The following PCDHA2 variants were observed in gnomAD, a reference collection of about 807,000 sequenced individuals.
PCDHA2 encodes protocadherin alpha 2.
A neutral mutation model predicts 66.0 loss-of-function variants in PCDHA2; 58 were observed. That is an observed-to-expected ratio of 0.88 (90% CI 0.71 to 1.09). PCDHA2 has a LOEUF of 1.09. Among genes scored for constraint, PCDHA2 ranks in the 50% least tolerant of loss-of-function variants. The pLI is 0.00. For missense variants in PCDHA2, 1,267 were observed against 1,242.3 expected, an observed-to-expected ratio of 1.02 and a Z score of -0.30; for synonymous variants, 634 against 554.0, an observed-to-expected ratio of 1.14 and a Z score of -2.03.
At chr5:140,814,209 A>G (rs1246288617) in intron 1 of PCDHA2, 4 of 149,518 alleles carry the variant, frequency 2.7e-5, no homozygotes, top group African/African-American at 1.0e-4. Context: ...TTTCACTTTT[A>G]CTTAGTGTTT....
chr5:140,915,634 CT>C (rs782528552), intron 1 of PCDHA2, among the ~76,000 whole-genome samples: 9 of 150,114 alleles, frequency 6.0e-5, no homozygotes, highest in Non-Finnish European at 1.3e-4. Context: ...CTGTCTCTCT[CT>C]CTCTCTCTCT....
intron 1 of PCDHA2, among the ~76,000 whole-genome samples, chr5:140,893,560 T>C (rs964266537): frequency 4.6e-5 from 7 of 152,232 alleles, no homozygotes; most frequent in Admixed American, 4.6e-4. Flanking sequence ...AGTTGTAGTG[T>C]ACTTCCTCAG....
chr5:140,926,054 T>C (rs1018660828), intron 1 of PCDHA2, among the ~76,000 whole-genome samples: 1 of 152,182 alleles, frequency 6.6e-6, no homozygotes, highest in Non-Finnish European at 1.5e-5. Flanking sequence ...CCCAACCTTC[T>C]TCCCCTCCTT....
At chr5:140,989,533 T>C (rs114286041) in intron 3 of PCDHA2, among the ~76,000 whole-genome samples, 1,576 of 152,276 alleles carry the variant, frequency 0.01, 12 homozygotes, top group Middle Eastern at 0.058. Flanking sequence ...AGGAGGAAGA[T>C]AGTTTGTAAT....
At chr5:140,836,762 C>T (rs2150269461) in intron 1 of PCDHA2, 3 of 1,567,656 alleles carry the variant, frequency 1.9e-6, no homozygotes, top group Non-Finnish European at 2.6e-6. Context: ...AATCTTGTTT[C>T]CAACAATTTT....
Position 140,841,228 on chromosome 5 carries a change from G to A in PCDHA2, c.2388+43876G>A. On this transcript the variant is annotated intron_variant, in intron 1 of 3. Coordinates refer to ENST00000526136, the MANE Select transcript of PCDHA2 (RefSeq NM_018905.3). ...TCTGTCTCTAAAGGCCGAACAACGG[G>A]AGATGCAGCGGAATTGGATTAAAAG... The A allele has an allele frequency of 7.6e-6, 11 of 1,455,732 alleles. 1 individual carries two copies. In the South Asian group the frequency reaches 1.2e-4, roughly 17 times the overall value. The allele number at this position is 1,455,732 out of a possible 1,614,324, so 90.2% of individuals were successfully genotyped here.
chr5:140,850,186 C>T lies in PCDHA2; in HGVS notation c.2388+52834C>T, dbSNP rs2150472009. On this transcript the variant is annotated intron_variant, in intron 1 of 3. Transcript: ENST00000526136. ...CTGGACGAGAACGACAATGCGCCGG[C>T]GCTGCTGACACCTCGGATGAGGGGC... 4.4e-6 allele frequency: 7 copies of T among 1,593,614 alleles called. No homozygotes were observed. In the African/African-American group the frequency reaches 5.4e-5, roughly 12 times the overall value.
chr5:140,985,675 T>C (rs1477813786), intron 3 of PCDHA2, among the ~76,000 whole-genome samples: 1 of 151,998 alleles, frequency 6.6e-6, no homozygotes, highest in Non-Finnish European at 1.5e-5. Context: ...AAGTGGGGCC[T>C]GCCTTACGCT....
chr5:140,856,947 A>T (rs1486886568), intron 1 of PCDHA2: 1 of 1,592,258 alleles, frequency 6.3e-7, no homozygotes. Flanking sequence ...AGGACGGGAG[A>T]AATAAAAGTA....
At chr5:140,967,226 C>G (rs782350843) in intron 1 of PCDHA2, 1 of 1,613,746 alleles carries the variant, frequency 6.2e-7, no homozygotes, top group Non-Finnish European at 8.5e-7. Flanking sequence ...GCCCAACTAC[C>G]AGCTTCAGGT....
intron 1 of PCDHA2, among the ~76,000 whole-genome samples, chr5:140,908,703 C>T (rs751488038): frequency 5.9e-5 from 9 of 152,318 alleles, no homozygotes; most frequent in Non-Finnish European, 1.3e-4. Flanking sequence ...ACCTCAAGCA[C>T]CATTGGATCT....
At chr5:140,803,051 G>A (rs1554122551) in intron 1 of PCDHA2, 5 of 1,613,992 alleles carry the variant, frequency 3.1e-6, no homozygotes, top group Non-Finnish European at 4.2e-6. Context: ...CCGGCGGTGC[G>A]CGCATCCCGT....
chr5:140,803,165 A>G, intron 1 of PCDHA2: 1 of 1,613,822 alleles, frequency 6.2e-7, no homozygotes, highest in Non-Finnish European at 8.5e-7. Context: ...ACCACGGTGA[A>G]CCCTCATTGA....
Position 140,980,736 on chromosome 5 carries a change from A to G in PCDHA2, c.2447+1729A>G, listed in dbSNP as rs1014210313. 6.6e-5 allele frequency among the ~76,000 whole-genome samples: 10 copies of G among 152,312 alleles called. No individual in the cohort carries two copies. The East Asian group carries it at 1.9e-3, about 29-fold the overall frequency. ...TTCGGGTTTCAATTAAGATATTATG[A>G]GATTTGAGTAGGGTAAGAAATAAAA... On this transcript the variant is annotated intron_variant, in intron 2 of 3. Transcript: ENST00000526136.
rs571779587 is a variant in PCDHA2 at position 140,961,550 on chromosome 5, C to CT, written c.2389-17392dup. 1.8e-3 allele frequency among the ~76,000 whole-genome samples: 273 copies of CT among 152,148 alleles called. 1 individual carries two copies. Among genetic ancestry groups the CT allele is most frequent in the Middle Eastern group, 3.4e-3 (1 of 294 alleles). ...TAGATAGACTGTTCCTGCAGCATTT[C>CT]TTTTTTTAAATTTTGTTTTGATAAG... On this transcript the variant is annotated intron_variant, in intron 1 of 3. Transcript: ENST00000526136.
chr5:140,938,945 T>C (rs1390189208), intron 1 of PCDHA2, among the ~76,000 whole-genome samples: 8 of 152,154 alleles, frequency 5.3e-5, no homozygotes, highest in African/African-American at 1.9e-4. Flanking sequence ...TCCATTCTTA[T>C]AATGCTCTAG....
intron 1 of PCDHA2, among the ~76,000 whole-genome samples, chr5:140,873,360 T>C (rs1271954811): frequency 6.6e-6 from 1 of 152,170 alleles, no homozygotes; most frequent in African/African-American, 2.4e-5. Flanking sequence ...ATTTTTGGAA[T>C]AACTGAAGAT....
In PCDHA2 at chr5:140,796,814, G is replaced by C; in HGVS notation, c.1850G>C (p.Ser617Thr). The C allele has an allele frequency of 6.2e-7, 1 of 1,614,150 alleles. No homozygotes were observed. The highest frequency in any genetic ancestry group is 8.5e-7 in the Non-Finnish European group (1 of 1,179,980). ...LSYELQLGTG[S>T]ARIPFRVGLY... ...TACGAGCTTCAGCTGGGTACTGGCAGCGCTCGCATCCCGTTCCGCGTGGGG... is the reference window on the plus strand; with the variant it reads ...TACGAGCTTCAGCTGGGTACTGGCACCGCTCGCATCCCGTTCCGCGTGGGG... The change falls in exon 1 of 4, where the codon AGC (serine) becomes ACC (threonine). Residue 617 changes from serine to threonine, a missense_variant. Transcript: ENST00000526136.
At chr5:140,822,516 T>C (rs1175154798) in intron 1 of PCDHA2, 2 of 1,613,966 alleles carry the variant, frequency 1.2e-6, no homozygotes, top group South Asian at 1.1e-5. Context: ...CCATTTATAA[T>C]GTCAGATTGT....
Sources: gnomAD v4.1 joint callset for allele counts (sites outside exome capture counted in the v4.1 genomes callset) on GRCh38, gnomAD v4.1.1 for gene constraint, MANE v1.5 for transcripts, NCBI Gene and HGNC (gene_info 2026-07-23, HGNC 2026-07-21) for gene names.